The following CCDC146 variants were observed in gnomAD, a reference collection of about 807,000 sequenced individuals.
CCDC146 encodes the protein coiled-coil domain-containing protein 146.
A neutral mutation model predicts 119.3 loss-of-function variants in CCDC146; 92 were observed. That is an observed-to-expected ratio of 0.77 (90% CI 0.65 to 0.92). The LOEUF (loss-of-function observed/expected upper bound fraction) is 0.92. Among genes scored for constraint, CCDC146 ranks in the 40% least tolerant of loss-of-function variants. CCDC146 has a pLI of 0.00. For synonymous variants in CCDC146, 372 were observed against 371.8 expected (o/e 1.00, Z -0.01); for missense variants, 1,000 against 1,103.0 (o/e 0.91, Z 1.32).
At chr7:77,256,891 GT>G (rs1421053260) in intron 6 of CCDC146, among the ~76,000 whole-genome samples, 4 of 152,154 alleles carry the variant, frequency 2.6e-5, no homozygotes, top group African/African-American at 9.7e-5. Context: ...ATCACCTGAG[GT>G]TAGGAGTTCG....
rs550142549 is a variant in CCDC146 at position 77,255,258 on chromosome 7, C to G, written c.507+695C>G. ...TGCAAGTATTATAACATGGGCAAGT[C>G]TAGAATCAAGTTGGCCCTACCTCTT... On this transcript the variant is annotated intron_variant, in intron 5 of 18. Transcript: ENST00000285871. 2.0e-5 allele frequency: 3 copies of G among 152,246 alleles called. No homozygotes were observed. In the East Asian group the frequency reaches 5.8e-4, roughly 29 times the overall value. The allele number at this position is 152,246 out of a possible 1,614,324, so 9.4% of individuals were successfully genotyped here.
At chr7:77,284,781 A>C (rs981222560) in intron 15 of CCDC146, among the ~76,000 whole-genome samples, 1 of 151,974 alleles carries the variant, frequency 6.6e-6, no homozygotes, top group African/African-American at 2.4e-5. Flanking sequence ...ATTGCACATG[A>C]ACTGAGACAT....
Position 77,241,759 on chromosome 7 carries a change from A to G in CCDC146, c.308A>G (p.Gln103Arg). 1.9e-6 allele frequency: 3 copies of G among 1,614,092 alleles called. No individual in the cohort carries two copies. Among genetic ancestry groups the G allele is most frequent in the Non-Finnish European group, 2.5e-6 (3 of 1,180,036 alleles). ...KRFTEQIQQQQFHLQQADNFP... is the reference protein window; with the variant it reads ...KRFTEQIQQQRFHLQQADNFP... ...TTCACTGAGCAAATACAACAGCAGC[A>G]GTTTCACCTGCAGCAAGCTGATAAT... Residue 103 changes from glutamine to arginine, a missense_variant, in exon 4 of 19, where the codon CAG becomes CGG. This residue lies in a region of CCDC146 where 985 missense variants were observed against 1,045.3 expected (regional missense o/e 0.94). Transcript: ENST00000285871.
At chr7:77,131,712 C>T (rs1437629332) in intron 1 of CCDC146, among the ~76,000 whole-genome samples, 12 of 152,062 alleles carry the variant, frequency 7.9e-5, no homozygotes, top group Admixed American at 6.5e-5. Flanking sequence ...AGTGAGACTC[C>T]GTCTAAAAGA....
intron 1 of CCDC146, among the ~76,000 whole-genome samples, chr7:77,143,702 T>G (rs984809804): frequency 6.6e-6 from 1 of 151,676 alleles, no homozygotes; most frequent in Non-Finnish European, 1.5e-5. Flanking sequence ...GTTTTGTCAG[T>G]TTTGTCAAAG....
At position 77,233,577 on chromosome 7, in the gene CCDC146, A is replaced by G. The variant is rs1282697663; in HGVS notation, c.157-3370A>G. Among the ~76,000 whole-genome samples, 3 of 152,320 alleles carry G rather than the reference A, an allele frequency of 2.0e-5. No individual in the cohort carries two copies. In the East Asian group the frequency reaches 5.8e-4, roughly 29 times the overall value. On this transcript the variant is annotated intron_variant, in intron 2 of 18. Transcript: ENST00000285871. ...GAAGACAATTTTTCCGTGGGGCAGA[A>G]GGAATGCTTTTGGGATGAAACTGTT...
chr7:77,223,156 T>C (rs1008922434), intron 2 of CCDC146, among the ~76,000 whole-genome samples: 11 of 152,238 alleles, frequency 7.2e-5, no homozygotes, highest in African/African-American at 2.4e-4. Context: ...CCCAGGATCC[T>C]TGGAGGTAGA....
At chr7:77,276,508 A>G (rs1346598669) in intron 11 of CCDC146, among the ~76,000 whole-genome samples, 3 of 152,226 alleles carry the variant, frequency 2.0e-5, no homozygotes, top group Non-Finnish European at 4.4e-5. Flanking sequence ...GATGGCTGGC[A>G]CATGGGAAGA....
intron 2 of CCDC146, among the ~76,000 whole-genome samples, chr7:77,197,921 T>G (rs1474414829): frequency 2.0e-5 from 3 of 152,202 alleles, no homozygotes. Flanking sequence ...TACTCCCAGA[T>G]AGTTTTTATT....
intron 1 of CCDC146, among the ~76,000 whole-genome samples, chr7:77,139,472 A>G (rs1790904464): frequency 6.6e-6 from 1 of 152,244 alleles, no homozygotes; most frequent in Non-Finnish European, 1.5e-5. Flanking sequence ...TCAGATACCT[A>G]GAATGTACAA....
At chr7:77,224,592 G>A (rs769390361) in intron 2 of CCDC146, among the ~76,000 whole-genome samples, 4 of 152,130 alleles carry the variant, frequency 2.6e-5, no homozygotes, top group Non-Finnish European at 5.9e-5. Flanking sequence ...TGGGGGATGC[G>A]GGAGATTATT....
chr7:77,187,160 GT>G (rs1360436276), intron 2 of CCDC146, among the ~76,000 whole-genome samples: 2 of 152,130 alleles, frequency 1.3e-5, no homozygotes, highest in Non-Finnish European at 2.9e-5. Context: ...ATTCATTGAT[GT>G]TACCATCACT....
intron 4 of CCDC146, among the ~76,000 whole-genome samples, chr7:77,248,025 T>C (rs374351595): frequency 6.6e-6 from 1 of 152,226 alleles, no homozygotes; most frequent in African/African-American, 2.4e-5. Context: ...AGATAAGGCA[T>C]CAACCTAAGT....
chr7:77,294,980 C>A lies in CCDC146; in HGVS notation c.*114C>A. ...TAATATTATTGATAAGTAAGGTAAC[C>A]ACAATTAGTCAGCAACAGAGTACAA... On this transcript the variant is annotated 3_prime_UTR_variant, in exon 19 of 19. Transcript: ENST00000285871. The A allele has an allele frequency of 2.5e-6, 2 of 797,284 alleles. No individual in the cohort carries two copies. Among genetic ancestry groups the A allele is most frequent in the East Asian group, 2.7e-5 (1 of 37,456 alleles). 49.4% of individuals were successfully genotyped at this position (797,284 alleles called of 1,614,324 possible).
chr7:77,176,559 C>T (rs1376414517), intron 2 of CCDC146, among the ~76,000 whole-genome samples: 2 of 151,974 alleles, frequency 1.3e-5, no homozygotes, highest in Non-Finnish European at 2.9e-5. Context: ...GGATCTGAGC[C>T]TATGGGGGAA....
At chr7:77,237,943 A>G (rs1792768828) in intron 3 of CCDC146, among the ~76,000 whole-genome samples, 1 of 152,084 alleles carries the variant, frequency 6.6e-6, no homozygotes, top group Non-Finnish European at 1.5e-5. Context: ...ACAGCAACAG[A>G]TAGAAACTCC....
chr7:77,181,063 T>A (rs1440197844), intron 2 of CCDC146, among the ~76,000 whole-genome samples: 1 of 152,214 alleles, frequency 6.6e-6, no homozygotes, highest in African/African-American at 2.4e-5. Context: ...GGGATAATTG[T>A]CATTGAAATG....
At chr7:77,124,324 G>A (rs1263522421) in intron 1 of CCDC146, among the ~76,000 whole-genome samples, 6 of 152,150 alleles carry the variant, frequency 3.9e-5, no homozygotes, top group Admixed American at 6.5e-5. Flanking sequence ...TAAAGTTATA[G>A]ACACTTAAAA....
chr7:77,137,051 C>A (rs1366531549), intron 1 of CCDC146, among the ~76,000 whole-genome samples: 2 of 152,056 alleles, frequency 1.3e-5, no homozygotes, highest in African/African-American at 4.8e-5. Flanking sequence ...AAATGCAAAG[C>A]CCATTCATGA....
Sources: gnomAD v4.1 joint callset for allele counts (sites outside exome capture counted in the v4.1 genomes callset) on GRCh38, gnomAD v4.1.1 for gene constraint, gnomAD v4.1.1 regional missense constraint, MANE v1.5 for transcripts, NCBI Gene and HGNC (gene_info 2026-07-23, HGNC 2026-07-21) for gene names.